Variants in CLK3 observed in about 807,000 individuals in gnomAD.
CLK3 encodes dual specificity protein kinase CLK3.
CLK3 carries 24 observed loss-of-function variants against 65.2 expected under a neutral mutation model. That is an observed-to-expected ratio of 0.37 (90% CI 0.27 to 0.52). The LOEUF is 0.52. Among genes scored for constraint, CLK3 ranks in the 20% least tolerant of loss-of-function variants. The pLI is 0.92. For synonymous variants in CLK3, 252 were observed against 240.8 expected (o/e 1.05, Z -0.43); for missense variants, 506 against 660.0 (o/e 0.77, Z 2.56).
intron 7 of CLK3, among the ~76,000 whole-genome samples, chr15:74,626,755 A>T (rs1339588999): frequency 2.6e-5 from 4 of 152,186 alleles, no homozygotes; most frequent in Admixed American, 1.3e-4. Context: ...CTTGAGTGCC[A>T]GATGGGATCC....
intron 1 of CLK3, chr15:74,608,526 G>T (rs917940620): frequency 1.3e-5 from 2 of 152,036 alleles, no homozygotes; most frequent in African/African-American, 2.4e-5. Context: ...CTCTTTCATG[G>T]CTCCCTGCAC....
At chr15:74,618,772 C>T (rs1294472689) in intron 1 of CLK3, among the ~76,000 whole-genome samples, 1 of 152,224 alleles carries the variant, frequency 6.6e-6, no homozygotes, top group African/African-American at 2.4e-5. Context: ...TTTGCCTGGC[C>T]TTTGGCTTTA....
chr15:74,620,042 G>A lies in CLK3; in HGVS notation c.186G>A (p.Arg62=). 6.2e-7 allele frequency: 1 copy of A among 1,614,182 alleles called. No homozygotes were observed. The highest frequency in any genetic ancestry group is 8.5e-7 in the Non-Finnish European group (1 of 1,180,040). The part of the protein sequence containing the change: ...HDRLPYQRRY[R]ERRDSDTYRC... ...GCCTGCCCTACCAGAGGAGGTACCG[G>A]GAGCGCCGTGACAGCGATACATACC... Residue 62 remains arginine, a synonymous_variant, in exon 3 of 13, where the codon CGG becomes CGA. Transcript: ENST00000395066.
In CLK3 at chr15:74,615,863, G is replaced by T; in HGVS notation, c.-36G>T. On this transcript the variant is annotated 5_prime_UTR_variant, in exon 1 of 13. Transcript: ENST00000395066. ...AAGCGGAAGAGGCGCTCGGAGCGGGGAGTGGGGCCTAGCTGCAGCCGGAGC... is the reference window on the plus strand; with the variant it reads ...AAGCGGAAGAGGCGCTCGGAGCGGGTAGTGGGGCCTAGCTGCAGCCGGAGC... The T allele has an allele frequency of 8.0e-7, 1 of 1,256,626 alleles. No homozygotes were observed. The highest frequency in any genetic ancestry group is 1.0e-6 in the Non-Finnish European group (1 of 1,000,598). 77.8% of individuals were successfully genotyped at this position (1,256,626 alleles called of 1,614,324 possible). A position where few individuals can be genotyped will look rare whatever the true frequency, so the allele number is the denominator to read the frequency against.
Position 74,620,048 on chromosome 15 carries a change from C to A in CLK3, c.192C>A (p.Arg64=). ...CCTACCAGAGGAGGTACCGGGAGCG[C>A]CGTGACAGCGATACATACCGGTGTG... ...RLPYQRRYRE[R]RDSDTYRCEE... is the part of the protein sequence containing the mutation. The change falls in exon 3 of 13, where the codon CGC becomes CGA. Residue 64 remains arginine, a synonymous_variant. Transcript: ENST00000395066. The A allele has an allele frequency of 6.2e-7, 1 of 1,614,186 alleles. No homozygotes were observed. Among genetic ancestry groups the A allele is most frequent in the Non-Finnish European group, 8.5e-7 (1 of 1,180,034 alleles).
intron 11 of CLK3, 76 bp from the exon 12 acceptor site, chr15:74,628,866 C>A: frequency 1.7e-6 from 2 of 1,149,434 alleles, no homozygotes; most frequent in South Asian, 2.7e-5. Flanking sequence ...GTCTTGGGAG[C>A]TGCTCTTCCC....
intron 1 of CLK3, among the ~76,000 whole-genome samples, chr15:74,609,462 T>C (rs1338741664): frequency 6.6e-6 from 1 of 152,250 alleles, no homozygotes; most frequent in Non-Finnish European, 1.5e-5. Context: ...TAGAGCCCCT[T>C]GCCCTACATT....
intron 12 of CLK3, chr15:74,629,320 C>T (rs888588986): frequency 4.8e-5 from 26 of 546,768 alleles, no homozygotes; most frequent in East Asian, 1.7e-4. Flanking sequence ...TCTCTCTCCT[C>T]GAAATTTTGG....
intron 10 of CLK3, 117 bp downstream of exon 10, chr15:74,628,169 AATC>A (rs1276680608): frequency 1.8e-5 from 13 of 737,332 alleles, no homozygotes; most frequent in Non-Finnish European, 3.2e-5. Flanking sequence ...TCCTCCCACT[AATC>A]ATCATGTGAG....
intron 1 of CLK3, 143 bp from the exon 2 acceptor site, chr15:74,619,054 C>G (rs1471935422): frequency 4.6e-4 from 390 of 850,628 alleles, no homozygotes; most frequent in Non-Finnish European, 6.7e-4. Flanking sequence ...CAGAGTTCTT[C>G]TTCACTTCAT....
chr15:74,624,730 G>A lies in CLK3; in HGVS notation c.534-172G>A. 1 of 610,884 alleles carries A rather than the reference G, an allele frequency of 1.6e-6. No homozygotes were observed. Among genetic ancestry groups the A allele is most frequent in the African/African-American group, 1.8e-5 (1 of 54,096 alleles). 37.8% of individuals were successfully genotyped at this position (610,884 alleles called of 1,614,324 possible). On this transcript the variant is annotated intron_variant, in intron 5 of 12. Transcript: ENST00000395066. This position sits in a 1 kb window ranked among gnomAD's most constrained non-coding sequence, Gnocchi z 4.2. ...CAGATCTCAGGGAGCTTGCTGTTGG[G>A]TGGGCAAAGGTCTGGTGTTGCATGG...
chr15:74,627,897 G>A lies in CLK3; in HGVS notation c.1043-73G>A. On this transcript the variant is annotated intron_variant, in intron 9 of 12. Transcript: ENST00000395066. This position sits in a 1 kb window ranked among gnomAD's most constrained non-coding sequence, Gnocchi z 4.3. Reference sequence around the variant, plus strand: ...GGCAAGAGTCCTGCCAGCCGGTGTGGTGGCTGCCTTGTGACTTCCAGGCTG... The same window carrying A: ...GGCAAGAGTCCTGCCAGCCGGTGTGATGGCTGCCTTGTGACTTCCAGGCTG... The A allele has an allele frequency of 1.5e-6, 2 of 1,303,488 alleles. No individual in the cohort carries two copies. The highest frequency in any genetic ancestry group is 1.5e-5 in the African/African-American group (1 of 68,874). 80.7% of individuals were successfully genotyped at this position (1,303,488 alleles called of 1,614,324 possible).
At chr15:74,625,702 C>A in intron 6 of CLK3, 100 bp from the exon 7 acceptor site, 1 of 1,260,952 alleles carries the variant, frequency 7.9e-7, no homozygotes, top group Non-Finnish European at 1.1e-6. Context: ...GTGTGTGACC[C>A]GGTGGCCTAG....
At position 74,624,605 on chromosome 15, in the gene CLK3, A is replaced by C. The variant is rs965798959; in HGVS notation, c.534-297A>C. The C allele has an allele frequency of 2.1e-5, 9 of 435,844 alleles. 1 individual carries two copies. Among genetic ancestry groups the C allele is most frequent in the Admixed American group, 6.9e-5 (2 of 28,778 alleles). 27.0% of individuals were successfully genotyped at this position (435,844 alleles called of 1,614,324 possible). On this transcript the variant is annotated intron_variant, in intron 5 of 12. Transcript: ENST00000395066. This position sits in a 1 kb window ranked among gnomAD's most constrained non-coding sequence, Gnocchi z 4.2. ...TGAGCTCTTGGACTGGCACTGGTTA[A>C]GCAGGATTGGCCTCTACTCTCCCAC...
chr15:74,625,104 C>A, intron 6 of CLK3, 86 bp downstream of exon 6: 2 of 941,720 alleles, frequency 2.1e-6, no homozygotes, highest in Non-Finnish European at 3.4e-6. Context: ...CACCCATCCG[C>A]ACTGTGCCTT....
chr15:74,627,293 A>C lies in CLK3; in HGVS notation c.818-59A>C. On this transcript the variant is annotated intron_variant, in intron 7 of 12. Transcript: ENST00000395066. The surrounding 1 kb of genome is among the most constrained non-coding windows in gnomAD (Gnocchi z 4.3). ...GCATTGGAAGAGGGGTCTGGCCTAG[A>C]GCTGGCAGGAGAGCCAGCTTCTCAG... 1 of 1,358,034 alleles carries C rather than the reference A, an allele frequency of 7.4e-7. No individual in the cohort carries two copies. The highest frequency in any genetic ancestry group is 1.1e-6 in the Non-Finnish European group (1 of 947,586). The allele number at this position is 1,358,034 out of a possible 1,614,324, so 84.1% of individuals were successfully genotyped here.
rs546267843 is a variant in CLK3, at chr15:74,620,180, C to T, written c.324C>T (p.His108=). The change falls in exon 3 of 13, where the codon CAC becomes CAT. Residue 108 remains histidine (H), a synonymous_variant. Transcript: ENST00000395066. ...RGPYRTRKHA[H]HCHKRRTRSC... is the part of the protein sequence containing the mutation. ...CATACCGGACCCGCAAGCATGCCCA[C>T]CACTGCCACAAACGCCGCACCAGGT... The T allele has an allele frequency of 1.5e-5, 25 of 1,614,098 alleles. 1 individual carries two copies. The South Asian group carries it at 2.6e-4, about 17-fold the overall frequency.
In CLK3 at chr15:74,627,721, G is replaced by A; in HGVS notation, c.1042+53G>A. 1 of 1,607,180 alleles carries A rather than the reference G, an allele frequency of 6.2e-7. No individual in the cohort carries two copies. On this transcript the variant is annotated intron_variant, in intron 9 of 12. Transcript: ENST00000395066. This position sits in a 1 kb window ranked among gnomAD's most constrained non-coding sequence, Gnocchi z 4.3. Reference sequence around the variant, plus strand: ...GTCATACTGGACTGTTGTTGGGAGGGTATGAGCAGAGGCAGTGGCATGCCT... The same window carrying A: ...GTCATACTGGACTGTTGTTGGGAGGATATGAGCAGAGGCAGTGGCATGCCT...
At chr15:74,619,380 CCTT>C in intron 2 of CLK3, 32 bp downstream of exon 2, 8 of 1,610,910 alleles carry the variant, frequency 5.0e-6, no homozygotes, top group East Asian at 2.2e-5. Context: ...GGGAAAGACT[CCTT>C]CTGTCAGCTG....
Sources: allele counts gnomAD v4.1 joint callset (sites outside exome capture counted in the v4.1 genomes callset), GRCh38; gene constraint gnomAD v4.1.1; non-coding constraint Gnocchi (gnomAD v3.1); transcripts MANE v1.5; gene names NCBI Gene and HGNC (gene_info 2026-07-23, HGNC 2026-07-21).